The following SPRED1 variants were observed in gnomAD, a reference collection of about 807,000 sequenced individuals.
The protein encoded by SPRED1 is sprouty-related, EVH1 domain-containing protein 1.
In SPRED1, 18 loss-of-function variants were observed where a neutral mutation model predicts 52.3. The observed-to-expected ratio is 0.34, with a 90% CI of 0.24 to 0.51. SPRED1 has a LOEUF of 0.51. Ranked by LOEUF, SPRED1 falls within the 20% of genes least tolerant of loss-of-function variation. SPRED1 has a pLI of 0.97. For missense variants in SPRED1, 485 were observed against 551.0 expected (o/e 0.88, Z 1.20); for synonymous variants, 155 against 179.7 (o/e 0.86, Z 1.10).
intron 1 of SPRED1, 115 bp from the exon 2 acceptor site, chr15:38,299,258 C>G (rs914544937): frequency 1.7e-6 from 2 of 1,160,532 alleles, no homozygotes; most frequent in South Asian, 2.5e-5. Context: ...AAGTAGTAAA[C>G]ACCTTAGTCA....
intron 5 of SPRED1, among the ~76,000 whole-genome samples, chr15:38,344,913 ACTT>A (rs138133797): frequency 0.041 from 6,293 of 152,256 alleles, 435 homozygotes; most frequent in African/African-American, 0.14. Context: ...TAATTGGTGA[ACTT>A]CTCAATTTAA....
intron 4 of SPRED1, among the ~76,000 whole-genome samples, chr15:38,332,256 T>C (rs911333708): frequency 6.6e-6 from 1 of 152,190 alleles, no homozygotes; most frequent in Non-Finnish European, 1.5e-5. Context: ...TTTTTATAAC[T>C]TGAACTTTGA....
At chr15:38,339,388 C>T (rs1417183113) in intron 4 of SPRED1, among the ~76,000 whole-genome samples, 1 of 152,012 alleles carries the variant, frequency 6.6e-6, no homozygotes, top group Non-Finnish European at 1.5e-5. Context: ...GTGTTTTCTT[C>T]CTAATAATTT....
chr15:38,307,403 G>C (rs1369364152), intron 2 of SPRED1, among the ~76,000 whole-genome samples: 1 of 152,156 alleles, frequency 6.6e-6, no homozygotes, highest in African/African-American at 2.4e-5. Flanking sequence ...GGTGTGGGCT[G>C]TCTTCCTGGC....
chr15:38,309,408 T>C (rs1312782534), intron 2 of SPRED1, among the ~76,000 whole-genome samples: 1 of 152,266 alleles, frequency 6.6e-6, no homozygotes, highest in Non-Finnish European at 1.5e-5. Flanking sequence ...CCCAACGTGC[T>C]GGGATTACAG....
chr15:38,351,251 T>G lies in SPRED1; in HGVS notation c.922T>G (p.Ser308Ala), dbSNP rs765841849. 8.7e-6 allele frequency: 14 copies of G among 1,613,972 alleles called. No individual in the cohort carries two copies. In the South Asian group the frequency reaches 1.5e-4, roughly 18 times the overall value. ...DETKLSSPKD[S>A]VVFKTQPSSL... ...GACTAAGTTAAGTTCACCCAAAGAC[T>G]CTGTGGTATTTAAGACGCAGCCTTC... The change falls in exon 7 of 7, where the codon TCT becomes GCT. Residue 308 changes from serine to alanine, a missense_variant. Ser to Ala is a moderately conservative substitution (Grantham distance 99). Transcript: ENST00000299084.
At position 38,353,800 on chromosome 15, in the gene SPRED1, A is replaced by G. The variant is rs1888547415; in HGVS notation, c.*2136A>G. 6.6e-6 allele frequency: 1 copy of G among 152,610 alleles called. No homozygotes were observed. Among genetic ancestry groups the G allele is most frequent in the South Asian group, 2.1e-4 (1 of 4,824 alleles). 9.5% of individuals were successfully genotyped at this position (152,610 alleles called of 1,614,324 possible). ...CTGGCTATATAGGAAAATGCTGTGG[A>G]AATGAACTGTGTATATACTTCTGGG... On this transcript the variant is annotated 3_prime_UTR_variant, in exon 7 of 7. Coordinates refer to ENST00000299084, the MANE Select transcript of SPRED1 (RefSeq NM_152594.3).
intron 6 of SPRED1, among the ~76,000 whole-genome samples, chr15:38,350,040 A>G (rs1888446720): frequency 6.6e-6 from 1 of 152,154 alleles, no homozygotes; most frequent in Admixed American, 6.6e-5. Context: ...AAGTAGGGGT[A>G]TTTTACGTCA....
rs776235336 is a variant in SPRED1 at position 38,351,539 on chromosome 15, T to G, written c.1210T>G (p.Trp404Gly). 1 of 1,614,160 alleles carries G rather than the reference T, an allele frequency of 6.2e-7. No homozygotes were observed. Among genetic ancestry groups the G allele is most frequent in the South Asian group, 1.1e-5 (1 of 91,074 alleles). ...TAGCGACGACAAGTTCTGCTTGCGA[T>G]GGTTAGCCCTGGTAGCTTTGTCTTT... ...DTSDDKFCLRWLALVALSFIV... is the reference protein window; with the variant it reads ...DTSDDKFCLRGLALVALSFIV... The change falls in exon 7 of 7, where the codon TGG becomes GGG. Residue 404 changes from tryptophan to glycine, a missense_variant. Transcript: ENST00000299084.
At chr15:38,264,139 C>G (rs1894256725) in intron 1 of SPRED1, among the ~76,000 whole-genome samples, 1 of 152,214 alleles carries the variant, frequency 6.6e-6, no homozygotes, top group African/African-American at 2.4e-5. Context: ...GGTTGTCACA[C>G]ACTGTTAGAT....
chr15:38,272,862 T>C (rs1894467588), intron 1 of SPRED1, among the ~76,000 whole-genome samples: 4 of 152,216 alleles, frequency 2.6e-5, no homozygotes, highest in Admixed American at 2.6e-4. Context: ...TTATGTCTTT[T>C]GCCCTTTTTA....
chr15:38,348,200 TTC>T (rs1896180323), intron 5 of SPRED1, among the ~76,000 whole-genome samples: 1 of 152,120 alleles, frequency 6.6e-6, no homozygotes, highest in Non-Finnish European at 1.5e-5. Context: ...TCTTCTGTTT[TTC>T]TTTTTTTCAC....
intron 1 of SPRED1, among the ~76,000 whole-genome samples, chr15:38,279,524 T>C (rs1489435935): frequency 1.3e-5 from 2 of 152,268 alleles, no homozygotes; most frequent in East Asian, 1.9e-4. Context: ...TATCCTATTC[T>C]AATCACAACC....
chr15:38,279,184 T>C (rs956360900), intron 1 of SPRED1, among the ~76,000 whole-genome samples: 1 of 152,204 alleles, frequency 6.6e-6, no homozygotes, highest in Non-Finnish European at 1.5e-5. Context: ...AATCTGTGGA[T>C]GTGGTACCCA....
At chr15:38,338,298 G>GTTTTT (rs141295976) in intron 4 of SPRED1, among the ~76,000 whole-genome samples, 2 of 140,692 alleles carry the variant, frequency 1.4e-5, no homozygotes, top group Admixed American at 7.2e-5. Flanking sequence ...TTTTTGTTTT[G>GTTTTT]TTTTGTTTTT....
intron 2 of SPRED1, among the ~76,000 whole-genome samples, chr15:38,320,760 ATAAT>A (rs987907248): frequency 1.3e-5 from 2 of 152,206 alleles, no homozygotes; most frequent in Admixed American, 6.5e-5. Flanking sequence ...GATTCTTAAA[ATAAT>A]TAAGGTGTGT....
chr15:38,300,814 G>T (rs181609858), intron 2 of SPRED1, among the ~76,000 whole-genome samples: 163 of 152,190 alleles, frequency 1.1e-3, no homozygotes, highest in African/African-American at 3.8e-3. Flanking sequence ...GATAAAATGG[G>T]ATCTGCCATA....
intron 1 of SPRED1, among the ~76,000 whole-genome samples, chr15:38,275,339 A>G (rs1254720492): frequency 6.6e-6 from 1 of 152,074 alleles, no homozygotes. Context: ...TTCTGGTATC[A>G]TAAGATGCTC....
chr15:38,326,011 A>G (rs1369761303), intron 4 of SPRED1: 2 of 152,212 alleles, frequency 1.3e-5, no homozygotes, highest in Non-Finnish European at 1.5e-5. Flanking sequence ...ATGACTTTGG[A>G]CTCAGGACTC....
Sources: allele counts gnomAD v4.1 joint callset (sites outside exome capture counted in the v4.1 genomes callset), GRCh38; gene constraint gnomAD v4.1.1; transcripts MANE v1.5; gene names NCBI Gene and HGNC (gene_info 2026-07-23, HGNC 2026-07-21).